Variants in TMPRSS11E observed in about 807,000 individuals in gnomAD.
TMPRSS11E encodes transmembrane protease serine 11E.
TMPRSS11E carries 38 observed loss-of-function variants against 48.1 expected under a neutral mutation model. The ratio of observed to expected loss-of-function variants is 0.79; its 90% CI spans 0.61 to 1.04. The LOEUF is 1.04. Ranked by LOEUF, TMPRSS11E falls within the 50% of genes least tolerant of loss-of-function variation. The pLI, the probability that TMPRSS11E is intolerant of heterozygous loss-of-function variation, is 0.00. For synonymous variants in TMPRSS11E, 158 were observed against 171.9 expected (o/e 0.92, Z 0.63); for missense variants, 530 against 510.8 (o/e 1.04, Z -0.36).
chr4:68,474,619 A>T, intron 5 of TMPRSS11E, 104 bp from the exon 6 acceptor site: 2 of 1,016,708 alleles, frequency 2.0e-6, no homozygotes, highest in South Asian at 1.5e-5. Context: ...ATCTAGAGAT[A>T]CTGTTTTATA....
At chr4:68,478,820 A>G in intron 8 of TMPRSS11E, 29 bp from the exon 9 acceptor site, 1 of 1,610,096 alleles carries the variant, frequency 6.2e-7, no homozygotes, top group South Asian at 1.1e-5. Context: ...ATGTATGTCT[A>G]CAAATACAAA....
At chr4:68,475,345 C>T (rs1342415988) in intron 6 of TMPRSS11E, among the ~76,000 whole-genome samples, 1 of 151,936 alleles carries the variant, frequency 6.6e-6, no homozygotes, top group Non-Finnish European at 1.5e-5. Context: ...GCCAAGTATG[C>T]CACCATGATT....
chr4:68,470,852 T>C lies in TMPRSS11E; in HGVS notation c.327-608T>C, dbSNP rs898761268. 7.2e-4 allele frequency among the ~76,000 whole-genome samples: 110 copies of C among 152,074 alleles called. 1 individual carries two copies. Among genetic ancestry groups the C allele is most frequent in the African/African-American group, 2.5e-3 (103 of 41,570 alleles). On this transcript the variant is annotated intron_variant, in intron 4 of 9. Transcript: ENST00000305363. ...AGTACAATTTGGTAAAGCGGTCTTA[T>C]ATCTTTAGGATTAGGAGTTGTTTAG...
At chr4:68,487,815 C>T (rs751467231) in intron 9 of TMPRSS11E, among the ~76,000 whole-genome samples, 2 of 151,860 alleles carry the variant, frequency 1.3e-5, no homozygotes, top group African/African-American at 4.8e-5. Flanking sequence ...CTAATGGGCG[C>T]CTGTAATCCC....
chr4:68,482,216 A>G (rs1396027685), intron 9 of TMPRSS11E, among the ~76,000 whole-genome samples: 1 of 152,122 alleles, frequency 6.6e-6, no homozygotes, highest in Non-Finnish European at 1.5e-5. Context: ...GAGCTCACTC[A>G]CTATTGCAAA....
intron 1 of TMPRSS11E, among the ~76,000 whole-genome samples, chr4:68,450,122 G>A (rs1184512363): frequency 6.6e-6 from 1 of 151,474 alleles, no homozygotes; most frequent in African/African-American, 2.4e-5. Context: ...TTTAGGCTTA[G>A]GCCCAGAGTT....
At chr4:68,495,175 T>C (rs1030517255) in intron 9 of TMPRSS11E, among the ~76,000 whole-genome samples, 4 of 152,192 alleles carry the variant, frequency 2.6e-5, no homozygotes, top group African/African-American at 9.7e-5. Flanking sequence ...ATAGACTCTA[T>C]ATTTTTTTCT....
At chr4:68,475,779 A>G (rs1193376993) in intron 6 of TMPRSS11E, among the ~76,000 whole-genome samples, 1 of 152,194 alleles carries the variant, frequency 6.6e-6, no homozygotes, top group African/African-American at 2.4e-5. Context: ...TAGTGGATCT[A>G]CAGTATATAG....
chr4:68,462,030 C>G, intron 2 of TMPRSS11E, 85 bp downstream of exon 2: 1 of 1,528,170 alleles, frequency 6.5e-7, no homozygotes, highest in Non-Finnish European at 9.0e-7. Flanking sequence ...CAGGCTTATT[C>G]ATTTATCACT....
At position 68,482,270 on chromosome 4, in the gene TMPRSS11E, C is replaced by T. The variant is rs1729425125; in HGVS notation, c.1110+3279C>T. Among the ~76,000 whole-genome samples the T allele has an allele frequency of 2.6e-5, 4 of 152,064 alleles. 1 individual carries two copies. Among genetic ancestry groups the T allele is most frequent in the South Asian group, 2.1e-4 (1 of 4,814 alleles). ...GTGATTGGCTCCCATGACCTGAACA[C>T]CTCCCACCAGGTCCTACCTTCAGCA... On this transcript the variant is annotated intron_variant, in intron 9 of 9. Coordinates refer to ENST00000305363, the MANE Select transcript of TMPRSS11E (RefSeq NM_014058.4).
chr4:68,477,922 G>C (rs1729277695), intron 8 of TMPRSS11E, among the ~76,000 whole-genome samples: 1 of 152,080 alleles, frequency 6.6e-6, no homozygotes, highest in African/African-American at 2.4e-5. Flanking sequence ...CCAGTTTAGA[G>C]ATTAGCAATC....
chr4:68,468,789 GT>G (rs1486118815), intron 3 of TMPRSS11E, 89 bp from the exon 4 acceptor site: 2 of 1,007,456 alleles, frequency 2.0e-6, no homozygotes, highest in Non-Finnish European at 3.1e-6. Context: ...GCTCTGTTTT[GT>G]TTTTTAATTT....
Position 68,497,503 on chromosome 4 carries a change from A to G in TMPRSS11E, c.*699A>G, listed in dbSNP as rs1729906000. 2.6e-5 allele frequency: 4 copies of G among 152,154 alleles called. No individual in the cohort carries two copies. Among genetic ancestry groups the G allele is most frequent in the Admixed American group, 2.6e-4 (4 of 15,258 alleles). The allele number at this position is 152,154 out of a possible 1,614,324, so 9.4% of individuals were successfully genotyped here. The stretch of plus-strand genomic sequence containing the variant: ...TTTTTGTGACCTATAATAATTATAC[A>G]AACTTCATGCAATGTACTTGTTCTA... On this transcript the variant is annotated 3_prime_UTR_variant, in exon 10 of 10. Transcript: ENST00000305363.
intron 2 of TMPRSS11E, among the ~76,000 whole-genome samples, chr4:68,466,059 T>G (rs1728919366): frequency 6.6e-6 from 1 of 152,156 alleles, no homozygotes; most frequent in African/African-American, 2.4e-5. Context: ...TGAAACTAAA[T>G]AGTGTCCCTG....
chr4:68,461,934 A>T lies in TMPRSS11E; in HGVS notation c.125A>T (p.Tyr42Phe). Reference sequence around the variant, plus strand: ...GTGTGCATTGGACTCACTGTTCATTATGTGAGATATAGTAAGTATAAGCTG... The same window carrying T: ...GTGTGCATTGGACTCACTGTTCATTTTGTGAGATATAGTAAGTATAAGCTG... ...LAVCIGLTVH[Y>F]VRYNQKKTYN... The change falls in exon 2 of 10, where the codon TAT becomes TTT. Residue 42 changes from tyrosine to phenylalanine, a missense_variant. By Grantham distance (22) the Tyr-to-Phe change is conservative. Transcript: ENST00000305363. The T allele has an allele frequency of 6.2e-7, 1 of 1,614,138 alleles. No homozygotes were observed. The highest frequency in any genetic ancestry group is 2.2e-5 in the East Asian group (1 of 44,878).
At chr4:68,481,685 C>T (rs1729404908) in intron 9 of TMPRSS11E, among the ~76,000 whole-genome samples, 1 of 152,128 alleles carries the variant, frequency 6.6e-6, no homozygotes, top group Non-Finnish European at 1.5e-5. Flanking sequence ...AATGGTGGCT[C>T]ATGCAGGTAA....
chr4:68,496,131 A>G (rs1729857380), intron 9 of TMPRSS11E, among the ~76,000 whole-genome samples: 1 of 152,162 alleles, frequency 6.6e-6, no homozygotes. Flanking sequence ...GGTAGGTATT[A>G]TTAGGAGCAT....
At chr4:68,467,468 G>A (rs1027691972) in intron 3 of TMPRSS11E, among the ~76,000 whole-genome samples, 6 of 152,144 alleles carry the variant, frequency 3.9e-5, no homozygotes, top group African/African-American at 1.4e-4. Context: ...GGTAATTCAT[G>A]ATATAATGTG....
At position 68,476,250 on chromosome 4, in the gene TMPRSS11E, C is replaced by G. The variant is rs1217605476; in HGVS notation, c.530-11C>G. 6 of 1,613,740 alleles carry G rather than the reference C, an allele frequency of 3.7e-6. No individual in the cohort carries two copies. The highest frequency in any genetic ancestry group is 4.2e-6 in the Non-Finnish European group (5 of 1,179,944). On this transcript the variant is annotated splice_polypyrimidine_tract_variant and intron_variant, in intron 6 of 9. Transcript: ENST00000305363. The stretch of plus-strand genomic sequence containing the variant: ...GCACCCACCAATGCACCCCCCCTCT[C>G]TCTTTTGCAGGCTGCGGAACACGAA...
Sources: allele counts gnomAD v4.1 joint callset (sites outside exome capture counted in the v4.1 genomes callset), GRCh38; gene constraint gnomAD v4.1.1; transcripts MANE v1.5; gene names NCBI Gene and HGNC (gene_info 2026-07-23, HGNC 2026-07-21).